The following HS6ST3 variants were observed in gnomAD, a reference collection of about 807,000 sequenced individuals.
HS6ST3 encodes the protein heparan sulfate 6-O-sulfotransferase 3, also known as heparan-sulfate 6-O-sulfotransferase 3.
In HS6ST3, 12 loss-of-function variants were observed where a neutral mutation model predicts 36.7. That is an observed-to-expected ratio of 0.33 (90% CI 0.21 to 0.53). HS6ST3 has a LOEUF of 0.53. HS6ST3 is among the 20% of genes least tolerant of loss of function. The pLI, the probability that HS6ST3 is intolerant of heterozygous loss-of-function variation, is 0.95. For missense variants in HS6ST3, 584 were observed against 640.9 expected, an observed-to-expected ratio of 0.91 and a Z score of 0.96; for synonymous variants, 240 against 257.5, an observed-to-expected ratio of 0.93 and a Z score of 0.65.
chr13:96,507,293 C>T (rs1456860081), intron 1 of HS6ST3, among the ~76,000 whole-genome samples: 1 of 152,082 alleles, frequency 6.6e-6, no homozygotes, highest in African/African-American at 2.4e-5. Flanking sequence ...ATGTCCTGAG[C>T]AGAAAACAGA....
chr13:96,659,023 C>T (rs2056637094), intron 1 of HS6ST3, among the ~76,000 whole-genome samples: 1 of 152,110 alleles, frequency 6.6e-6, no homozygotes, highest in African/African-American at 2.4e-5. Flanking sequence ...AACTCTTTTA[C>T]CTTGGCTTTA....
chr13:96,149,868 T>C lies in HS6ST3; in HGVS notation c.707+58299T>C, dbSNP rs967605781. On this transcript the variant is annotated intron_variant, in intron 1 of 1. Transcript: ENST00000376705. ...TGTATTTTCTTAAGATATCTGAGAATGACTCAATTAATTCTATAGAGAATA... is the reference window on the plus strand; with the variant it reads ...TGTATTTTCTTAAGATATCTGAGAACGACTCAATTAATTCTATAGAGAATA... Among the ~76,000 whole-genome samples, 6 of 152,240 alleles carry C rather than the reference T, an allele frequency of 3.9e-5. No individual in the cohort carries two copies. The South Asian group carries it at 1.0e-3, about 26-fold the overall frequency.
chr13:96,299,733 G>GA (rs974262511), intron 1 of HS6ST3, among the ~76,000 whole-genome samples: 36 of 152,232 alleles, frequency 2.4e-4, no homozygotes, highest in African/African-American at 7.2e-4. Context: ...TTGCACTGAA[G>GA]AAAAAAATTC....
At chr13:96,626,072 G>A (rs1422058909) in intron 1 of HS6ST3, among the ~76,000 whole-genome samples, 3 of 151,760 alleles carry the variant, frequency 2.0e-5, no homozygotes, top group African/African-American at 7.3e-5. Context: ...TCGATCTCGT[G>A]ACCTCGTGAT....
chr13:96,296,948 T>C (rs2054857731), intron 1 of HS6ST3, among the ~76,000 whole-genome samples: 1 of 152,130 alleles, frequency 6.6e-6, no homozygotes, highest in South Asian at 2.1e-4. Context: ...TTGTGGTCTC[T>C]AGTTTGTCTC....
intron 1 of HS6ST3, among the ~76,000 whole-genome samples, chr13:96,413,881 C>A (rs1237626917): frequency 6.6e-6 from 1 of 152,222 alleles, no homozygotes; most frequent in Non-Finnish European, 1.5e-5. Context: ...GAATTCCTTT[C>A]TTCCTATAGT....
chr13:96,536,846 A>G (rs1051755601), intron 1 of HS6ST3, among the ~76,000 whole-genome samples: 1 of 152,232 alleles, frequency 6.6e-6, no homozygotes, highest in Non-Finnish European at 1.5e-5. Flanking sequence ...GTGTGGTTTC[A>G]GTAGTATGCC....
intron 1 of HS6ST3, among the ~76,000 whole-genome samples, chr13:96,721,648 T>G (rs1013525520): frequency 6.6e-6 from 1 of 152,164 alleles, no homozygotes; most frequent in Non-Finnish European, 1.5e-5. Context: ...GTAGAAAGAT[T>G]GTTATACAAT....
intron 1 of HS6ST3, among the ~76,000 whole-genome samples, chr13:96,228,056 A>AC (rs2139366003): frequency 6.6e-6 from 1 of 152,274 alleles, no homozygotes; most frequent in Non-Finnish European, 1.5e-5. Context: ...GAAGGTTATC[A>AC]CCTCAGCCTT....
intron 1 of HS6ST3, among the ~76,000 whole-genome samples, chr13:96,213,617 T>C (rs568421367): frequency 6.6e-6 from 1 of 152,238 alleles, no homozygotes; most frequent in East Asian, 1.9e-4. Flanking sequence ...TGCAGGACAT[T>C]TTAATGTCAG....
chr13:96,749,534 T>C (rs929921603), intron 1 of HS6ST3, among the ~76,000 whole-genome samples: 1 of 152,130 alleles, frequency 6.6e-6, no homozygotes, highest in Non-Finnish European at 1.5e-5. Flanking sequence ...TAGCCCAACT[T>C]TGGAGCCAAT....
At chr13:96,708,705 C>G (rs1016998639) in intron 1 of HS6ST3, among the ~76,000 whole-genome samples, 1 of 152,142 alleles carries the variant, frequency 6.6e-6, no homozygotes, top group African/African-American at 2.4e-5. Context: ...CAGGCCACAC[C>G]AACTGAACTG....
intron 1 of HS6ST3, among the ~76,000 whole-genome samples, chr13:96,782,123 G>GC (rs1469731059): frequency 6.6e-6 from 1 of 152,182 alleles, no homozygotes; most frequent in African/African-American, 2.4e-5. Flanking sequence ...CTGCACTGGT[G>GC]TTTTTCCAGA....
intron 1 of HS6ST3, among the ~76,000 whole-genome samples, chr13:96,223,045 C>T (rs1325416279): frequency 6.6e-6 from 1 of 152,122 alleles, no homozygotes; most frequent in African/African-American, 2.4e-5. Flanking sequence ...GCATAATATG[C>T]CTTAGTATGG....
intron 1 of HS6ST3, among the ~76,000 whole-genome samples, chr13:96,376,040 A>G (rs1210758304): frequency 3.3e-5 from 5 of 152,162 alleles, no homozygotes; most frequent in Non-Finnish European, 5.9e-5. Context: ...TATGGTAATC[A>G]TGGCCCCAGA....
intron 1 of HS6ST3, among the ~76,000 whole-genome samples, chr13:96,318,270 G>T (rs2054985983): frequency 6.6e-6 from 1 of 152,184 alleles, no homozygotes; most frequent in South Asian, 2.1e-4. Flanking sequence ...GGTGGCTCAT[G>T]CCTGTAATCC....
chr13:96,512,876 C>T (rs971351785), intron 1 of HS6ST3, among the ~76,000 whole-genome samples: 1 of 151,570 alleles, frequency 6.6e-6, no homozygotes, highest in East Asian at 1.9e-4. Flanking sequence ...TTTAACCTCT[C>T]ATTTTTTTGT....
At chr13:96,346,593 A>G (rs2055156839) in intron 1 of HS6ST3, among the ~76,000 whole-genome samples, 1 of 151,860 alleles carries the variant, frequency 6.6e-6, no homozygotes, top group Admixed American at 6.6e-5. Context: ...TAATAATAAT[A>G]ATAATAAAAC....
At chr13:96,700,787 A>T (rs774869444) in intron 1 of HS6ST3, among the ~76,000 whole-genome samples, 21 of 152,150 alleles carry the variant, frequency 1.4e-4, no homozygotes, top group Non-Finnish European at 2.6e-4. Context: ...GGAAAAGGTC[A>T]TTTGCAAAAT....
Sources: gnomAD v4.1 joint callset for allele counts (sites outside exome capture counted in the v4.1 genomes callset) on GRCh38, gnomAD v4.1.1 for gene constraint, MANE v1.5 for transcripts, NCBI Gene and HGNC (gene_info 2026-07-23, HGNC 2026-07-21) for gene names.